Variants in IL1RAPL1 observed in about 807,000 individuals in gnomAD.
IL1RAPL1 encodes interleukin-1 receptor accessory protein-like 1.
Under a neutral mutation model 48.4 loss-of-function variants are expected in IL1RAPL1, and 3 were observed. The observed-to-expected ratio is 0.06, with a 90% CI of 0.03 to 0.16. The LOEUF (loss-of-function observed/expected upper bound fraction) is 0.16. Ranked by LOEUF, IL1RAPL1 falls within the 10% of genes least tolerant of loss-of-function variation. IL1RAPL1 has a pLI of 1.00. For synonymous variants in IL1RAPL1, 185 were observed against 187.7 expected (o/e 0.99, Z 0.12); for missense variants, 349 against 530.6 (o/e 0.66, Z 3.36).
intron 2 of IL1RAPL1, among the ~76,000 whole-genome samples, chrX:29,087,437 G>A (rs1471220793): frequency 9.0e-6 from 1 of 110,887 alleles, no homozygotes; most frequent in African/African-American, 3.3e-5. Context: ...TGCCTGGCCA[G>A]CCAGAGGACA....
chrX:29,629,265 C>T (rs1300188106), intron 5 of IL1RAPL1, among the ~76,000 whole-genome samples: 1 of 110,923 alleles, frequency 9.0e-6, no homozygotes, highest in African/African-American at 3.3e-5. Context: ...TTGTCAAAGG[C>T]AGAGAAAAAA....
At chrX:29,021,299 T>C (rs947958029) in intron 2 of IL1RAPL1, among the ~76,000 whole-genome samples, 3 of 107,492 alleles carry the variant, frequency 2.8e-5, no homozygotes, top group Non-Finnish European at 5.8e-5. Context: ...CCACATTCCA[T>C]CTTACCCATT....
chrX:29,618,677 C>T (rs1483365785), intron 5 of IL1RAPL1, among the ~76,000 whole-genome samples: 1 of 111,461 alleles, frequency 9.0e-6, no homozygotes, highest in African/African-American at 3.3e-5. Context: ...AAATTTTGCC[C>T]ACCTATATAA....
chrX:29,900,541 AAC>A (rs1285910181), intron 6 of IL1RAPL1, among the ~76,000 whole-genome samples: 1 of 112,128 alleles, frequency 8.9e-6, no homozygotes, highest in Non-Finnish European at 1.9e-5. Flanking sequence ...TGTGTTTTAG[AAC>A]AGATACTATT....
At chrX:28,675,823 A>T (rs1301567041) in intron 1 of IL1RAPL1, among the ~76,000 whole-genome samples, 1 of 111,451 alleles carries the variant, frequency 9.0e-6, no homozygotes, top group Admixed American at 9.6e-5. Flanking sequence ...TAGAAATCAT[A>T]TAAGGAAAAT....
intron 6 of IL1RAPL1, among the ~76,000 whole-genome samples, chrX:29,907,638 A>ATAAT (rs748027961): frequency 1.8e-5 from 2 of 111,973 alleles, no homozygotes; most frequent in East Asian, 5.6e-4. Flanking sequence ...TTGTTTTTTT[A>ATAAT]TAATTGTTTT....
intron 1 of IL1RAPL1, among the ~76,000 whole-genome samples, chrX:28,780,721 G>A (rs1936414364): frequency 9.1e-6 from 1 of 109,540 alleles, no homozygotes; most frequent in South Asian, 3.9e-4. Context: ...GCAATGTGGA[G>A]GAGAGCCAAA....
intron 6 of IL1RAPL1, among the ~76,000 whole-genome samples, chrX:29,706,197 C>T (rs1927189520): frequency 8.9e-6 from 1 of 112,143 alleles, no homozygotes; most frequent in African/African-American, 3.2e-5. Context: ...CCTCCCACAA[C>T]ATGTGGGAAT....
intron 1 of IL1RAPL1, among the ~76,000 whole-genome samples, chrX:28,720,134 T>C (rs6630736): frequency 0.063 from 7,018 of 110,996 alleles, 438 homozygotes; most frequent in East Asian, 0.33. Flanking sequence ...CACCTGGAGT[T>C]ATCTTTTATT....
chrX:29,411,705 C>CTTTT (rs35526788), intron 5 of IL1RAPL1, among the ~76,000 whole-genome samples: 67 of 95,960 alleles, frequency 7.0e-4, no homozygotes, highest in African/African-American at 2.3e-3. Context: ...GAAACAACTA[C>CTTTT]TTTTTTTTTT....
chrX:29,924,756 C>T (rs1371143229), intron 8 of IL1RAPL1, among the ~76,000 whole-genome samples: 1 of 111,915 alleles, frequency 8.9e-6, no homozygotes, highest in African/African-American at 3.2e-5. Context: ...AGAGACTCAG[C>T]ACTAGTTAAT....
At chrX:29,339,100 ACACACACACACACG>A (rs1430975220) in intron 3 of IL1RAPL1, among the ~76,000 whole-genome samples, 1 of 109,207 alleles carries the variant, frequency 9.2e-6, no homozygotes, top group South Asian at 3.9e-4. Flanking sequence ...ACACACACAC[ACACACACACACACG>A]CACACACTCA....
chrX:29,711,703 G>C (rs1927358860), intron 6 of IL1RAPL1, among the ~76,000 whole-genome samples: 1 of 110,938 alleles, frequency 9.0e-6, no homozygotes. Context: ...TTTCCCCCCA[G>C]TGTAAAAGTT....
chrX:28,847,501 A>C (rs1040434276), intron 2 of IL1RAPL1, among the ~76,000 whole-genome samples: 2 of 111,540 alleles, frequency 1.8e-5, no homozygotes, highest in Non-Finnish European at 3.8e-5. Context: ...AAGTCCCCAC[A>C]GTTGCTCACA....
In IL1RAPL1 at chrX:28,750,716, T is replaced by C. The variant is rs192317328; in HGVS notation, c.-24-38604T>C. 8.9e-5 allele frequency among the ~76,000 whole-genome samples: 10 copies of C among 111,832 alleles called. No individual in the cohort carries two copies. The East Asian group carries it at 2.8e-3, about 31-fold the overall frequency. ...GGACCCACACAACTGTTTCTGAACTTGTAAGGAAAAGCCATACATTTTTTC... is the reference window on the plus strand; with the variant it reads ...GGACCCACACAACTGTTTCTGAACTCGTAAGGAAAAGCCATACATTTTTTC... On this transcript the variant is annotated intron_variant, in intron 1 of 10. Coordinates refer to ENST00000378993, the MANE Select transcript of IL1RAPL1 (RefSeq NM_014271.4).
chrX:29,828,308 C>A (rs1930788442), intron 6 of IL1RAPL1, among the ~76,000 whole-genome samples: 1 of 111,671 alleles, frequency 9.0e-6, no homozygotes. Context: ...TCATGAACTG[C>A]TTTGCATTTT....
At chrX:29,257,221 A>T (rs776602424) in intron 2 of IL1RAPL1, among the ~76,000 whole-genome samples, 6 of 111,397 alleles carry the variant, frequency 5.4e-5, no homozygotes, top group Non-Finnish European at 1.1e-4. Flanking sequence ...ACTTTTTGCA[A>T]TCTATCCGGT....
chrX:29,107,293 G>A (rs1255758984), intron 2 of IL1RAPL1, among the ~76,000 whole-genome samples: 1 of 112,184 alleles, frequency 8.9e-6, no homozygotes, highest in East Asian at 2.8e-4. Context: ...AGCTGAAAGC[G>A]TTTAATGTAT....
chrX:28,986,245 A>G (rs1017594341), intron 2 of IL1RAPL1, among the ~76,000 whole-genome samples: 20 of 112,409 alleles, frequency 1.8e-4, no homozygotes, highest in African/African-American at 6.1e-4. Flanking sequence ...ACTAGATGCT[A>G]GATCTTATGG....
Sources: allele counts gnomAD v4.1 joint callset (sites outside exome capture counted in the v4.1 genomes callset), GRCh38; gene constraint gnomAD v4.1.1; transcripts MANE v1.5; gene names NCBI Gene and HGNC (gene_info 2026-07-23, HGNC 2026-07-21).